The following SLC35F1 variants were observed in gnomAD, a reference collection of about 807,000 sequenced individuals.
The protein encoded by SLC35F1 is solute carrier family 35 member F1.
In SLC35F1, 14 loss-of-function variants were observed where a neutral mutation model predicts 48.7. That is an observed-to-expected ratio of 0.29 (90% CI 0.19 to 0.45). The LOEUF is 0.45. Ranked by LOEUF, SLC35F1 falls within the 20% of genes least tolerant of loss-of-function variation. The pLI, the probability that SLC35F1 is intolerant of heterozygous loss-of-function variation, is 1.00. For missense variants in SLC35F1, 404 were observed against 500.0 expected, an observed-to-expected ratio of 0.81 and a Z score of 1.83; for synonymous variants, 190 against 202.2, an observed-to-expected ratio of 0.94 and a Z score of 0.51.
At position 118,317,357 on chromosome 6, in the gene SLC35F1, G is replaced by A. The variant is rs1026608491; in HGVS notation, c.*3105G>A. 6.6e-6 allele frequency: 1 copy of A among 152,164 alleles called. No homozygotes were observed. Among genetic ancestry groups the A allele is most frequent in the Non-Finnish European group, 1.5e-5 (1 of 68,028 alleles). 9.4% of individuals were successfully genotyped at this position (152,164 alleles called of 1,614,324 possible). Reference sequence around the variant, plus strand: ...TGTTTAGTTTAGATATTGCTAACTTGTGCTATTAACCTTTTGACAAGCGTG... The same window carrying A: ...TGTTTAGTTTAGATATTGCTAACTTATGCTATTAACCTTTTGACAAGCGTG... On this transcript the variant is annotated 3_prime_UTR_variant, in exon 8 of 8. Transcript: ENST00000360388.
intron 1 of SLC35F1, among the ~76,000 whole-genome samples, chr6:118,147,286 C>G (rs915189323): frequency 3.3e-5 from 5 of 152,178 alleles, no homozygotes; most frequent in Non-Finnish European, 7.4e-5. Context: ...CAGGTTCCTG[C>G]AGGATCTGGT....
intron 1 of SLC35F1, among the ~76,000 whole-genome samples, chr6:118,000,783 C>T (rs1049356218): frequency 2.0e-5 from 3 of 152,170 alleles, no homozygotes; most frequent in African/African-American, 4.8e-5. Context: ...ACAAAAATCA[C>T]AAGCATTCTT....
intron 1 of SLC35F1, among the ~76,000 whole-genome samples, chr6:118,033,133 A>G (rs1772077737): frequency 6.6e-6 from 1 of 152,156 alleles, no homozygotes; most frequent in Non-Finnish European, 1.5e-5. Context: ...TCCCTCCACC[A>G]AGTTTTTCTA....
At chr6:118,229,232 C>A (rs1775258122) in intron 2 of SLC35F1, among the ~76,000 whole-genome samples, 1 of 152,112 alleles carries the variant, frequency 6.6e-6, no homozygotes, top group Non-Finnish European at 1.5e-5. Context: ...TGTAATGAGA[C>A]TTTTTAAGCC....
intron 1 of SLC35F1, among the ~76,000 whole-genome samples, chr6:117,984,493 C>CA (rs1215573454): frequency 0.051 from 3,099 of 60,266 alleles, 76 homozygotes; most frequent in African/African-American, 0.093. Context: ...GACTCGGTCT[C>CA]AAAAAAAAAA....
chr6:118,140,423 A>T (rs1224407982), intron 1 of SLC35F1, among the ~76,000 whole-genome samples: 1 of 152,214 alleles, frequency 6.6e-6, no homozygotes, highest in Non-Finnish European at 1.5e-5. Context: ...ATTTCTGGTG[A>T]TAGTGGTGTA....
chr6:118,082,925 G>T (rs964275668), intron 1 of SLC35F1, among the ~76,000 whole-genome samples: 1 of 152,116 alleles, frequency 6.6e-6, no homozygotes, highest in Admixed American at 6.6e-5. Flanking sequence ...TGAATAGTCA[G>T]CCTGGATGAC....
chr6:118,272,675 G>C (rs150169771), intron 4 of SLC35F1, among the ~76,000 whole-genome samples: 2 of 148,470 alleles, frequency 1.3e-5, no homozygotes, highest in Non-Finnish European at 3.0e-5. Context: ...TATAGTAAAG[G>C]GTTGATTGAA....
chr6:118,160,255 G>A (rs1774210484), intron 2 of SLC35F1, among the ~76,000 whole-genome samples: 1 of 152,174 alleles, frequency 6.6e-6, no homozygotes, highest in Admixed American at 6.5e-5. Context: ...AATATTCTTG[G>A]TGACTGGTTC....
intron 1 of SLC35F1, among the ~76,000 whole-genome samples, chr6:118,088,624 C>T (rs565002562): frequency 1.3e-4 from 20 of 152,100 alleles, no homozygotes; most frequent in African/African-American, 4.1e-4. Context: ...ATAAATAGGA[C>T]GTCTTAAAAC....
intron 1 of SLC35F1, among the ~76,000 whole-genome samples, chr6:117,927,700 G>A (rs1277020034): frequency 6.6e-6 from 1 of 152,160 alleles, no homozygotes; most frequent in Non-Finnish European, 1.5e-5. Flanking sequence ...AGATATTGTA[G>A]TCAACAAATA....
chr6:117,907,528 G>C lies in SLC35F1; in HGVS notation c.-199G>C. ...ACGGGCGCGAGGGTGCGCGCACTGGGACTGGAGAGGAGTGAGTGGCGGGCT... is the reference window on the plus strand; with the variant it reads ...ACGGGCGCGAGGGTGCGCGCACTGGCACTGGAGAGGAGTGAGTGGCGGGCT... On this transcript the variant is annotated 5_prime_UTR_variant, in exon 1 of 8. Transcript: ENST00000360388. 1 of 334,958 alleles carries C rather than the reference G, an allele frequency of 3.0e-6. No homozygotes were observed. Among genetic ancestry groups the C allele is most frequent in the Non-Finnish European group, 5.3e-6 (1 of 187,608 alleles). 20.7% of individuals were successfully genotyped at this position (334,958 alleles called of 1,614,324 possible). A position where few individuals can be genotyped will look rare whatever the true frequency, so the allele number is the denominator to read the frequency against.
chr6:118,248,234 T>C (rs1775532051), intron 3 of SLC35F1, among the ~76,000 whole-genome samples: 1 of 152,202 alleles, frequency 6.6e-6, no homozygotes, highest in African/African-American at 2.4e-5. Context: ...AAAAGAACTT[T>C]CCATTATTTT....
intron 1 of SLC35F1, among the ~76,000 whole-genome samples, chr6:118,040,438 C>T (rs1772197491): frequency 6.6e-6 from 1 of 152,036 alleles, no homozygotes; most frequent in East Asian, 1.9e-4. Flanking sequence ...AATTACACTG[C>T]TATGGTAGAA....
At chr6:118,242,707 C>G (rs1051397565) in intron 3 of SLC35F1, among the ~76,000 whole-genome samples, 1 of 152,152 alleles carries the variant, frequency 6.6e-6, no homozygotes, top group Non-Finnish European at 1.5e-5. Flanking sequence ...GACTTCTTAT[C>G]CAAAGATTAT....
chr6:118,137,582 G>C (rs894152237), intron 1 of SLC35F1, among the ~76,000 whole-genome samples: 17 of 152,104 alleles, frequency 1.1e-4, no homozygotes, highest in African/African-American at 4.1e-4. Context: ...TTATCAAAGT[G>C]CACTGGACCA....
intron 2 of SLC35F1, among the ~76,000 whole-genome samples, chr6:118,215,311 C>A (rs1775057311): frequency 6.6e-6 from 1 of 152,044 alleles, no homozygotes; most frequent in African/African-American, 2.4e-5. Flanking sequence ...GGTCTTATTT[C>A]TCAAAAATAT....
chr6:118,104,096 C>T (rs980598671), intron 1 of SLC35F1, among the ~76,000 whole-genome samples: 1 of 150,792 alleles, frequency 6.6e-6, no homozygotes, highest in Non-Finnish European at 1.5e-5. Flanking sequence ...TTTCTTCCCT[C>T]CCCTTCCCTT....
rs1161320704 is a variant in SLC35F1 at position 118,317,598 on chromosome 6, C to T, written c.*3346C>T. 1 of 152,156 alleles carries T rather than the reference C, an allele frequency of 6.6e-6. No individual in the cohort carries two copies. The highest frequency in any genetic ancestry group is 1.5e-5 in the Non-Finnish European group (1 of 68,016). 9.4% of individuals were successfully genotyped at this position (152,156 alleles called of 1,614,324 possible). ...TGTCCATTTTTGATATTTGCATGCT[C>T]CCCTATGGACTGGCTGTGGCAATGT... On this transcript the variant is annotated 3_prime_UTR_variant, in exon 8 of 8. Transcript: ENST00000360388.
Sources: gnomAD v4.1 joint callset for allele counts (sites outside exome capture counted in the v4.1 genomes callset) on GRCh38, gnomAD v4.1.1 for gene constraint, MANE v1.5 for transcripts, NCBI Gene and HGNC (gene_info 2026-07-23, HGNC 2026-07-21) for gene names.